Variants in GPR135 observed in about 807,000 individuals in gnomAD.
GPR135 encodes the protein G protein-coupled receptor 135, also known as G-protein coupled receptor 135.
In GPR135, 17 loss-of-function variants were observed where a neutral mutation model predicts 15.0. The observed-to-expected ratio is 1.13, with a 90% CI of 0.78 to 1.70. GPR135 has a LOEUF of 1.70. GPR135 is among the 40% of genes most tolerant of loss of function. The pLI is 0.00. For missense variants in GPR135, 776 were observed against 727.0 expected, an observed-to-expected ratio of 1.07 and a Z score of -0.78; for synonymous variants, 368 against 349.4, an observed-to-expected ratio of 1.05 and a Z score of -0.59.
Position 59,464,752 on chromosome 14 carries a change from C to A in GPR135, c.475G>T (p.Ala159Ser), listed in dbSNP as rs775348277. Reference sequence around the variant, plus strand: ...GGAGTGAAGAGGTCCAGGAAGGCGGCGGGCAGGCAGAGCAGCGCCGTGAGC... The same window carrying A: ...GGAGTGAAGAGGTCCAGGAAGGCGGAGGGCAGGCAGAGCAGCGCCGTGAGC... ...DLLTALLCLP[A>S]AFLDLFTPPG... The change falls in exon 1 of 1, where the codon GCC becomes TCC. Residue 159 changes from alanine to serine, a missense_variant. By Grantham distance (99) the Ala-to-Ser change is moderately conservative. Transcript: ENST00000395116. The A allele has an allele frequency of 8.3e-6, 13 of 1,567,208 alleles. No individual in the cohort carries two copies. Among genetic ancestry groups the A allele is most frequent in the African/African-American group, 4.1e-5 (3 of 74,020 alleles).
chr14:59,455,772 G>A (rs1258927117), downstream of GPR135: 1 of 152,344 alleles, frequency 6.6e-6, no homozygotes, highest in South Asian at 2.1e-4. Context: ...TTGAGAAAGA[G>A]CAATGAGAAA....
At chr14:59,459,319 C>T (rs1006096577), downstream of GPR135, among the ~76,000 whole-genome samples, 2 of 152,192 alleles carry the variant, frequency 1.3e-5, no homozygotes, top group East Asian at 3.9e-4. Context: ...TAAAAAGCAG[C>T]CTGTGACCTC....
rs536794899 is a variant in GPR135 at position 59,464,003 on chromosome 14, A to G, written c.1224T>C (p.Thr408=). ...LGRNREEGYR[T]RNVDAFLPSQ... ...TGGGCAGGAAAGCGTCCACATTCCT[A>G]GTCCGGTAGCCCTCCTCGCGGTTGC... The change falls in exon 1 of 1, where the codon ACT becomes ACC. Residue 408 remains threonine, a synonymous_variant. Coordinates refer to ENST00000395116, the MANE Select transcript of GPR135 (RefSeq NM_022571.6). The G allele has an allele frequency of 1.9e-6, 3 of 1,614,012 alleles. No homozygotes were observed. The highest frequency in any genetic ancestry group is 1.3e-5 in the African/African-American group (1 of 75,074).
At chr14:59,456,094 A>G (rs373702675), downstream of GPR135, among the ~76,000 whole-genome samples, 85 of 152,286 alleles carry the variant, frequency 5.6e-4, no homozygotes, top group East Asian at 8.9e-3. Flanking sequence ...AGTGCAAGTC[A>G]TCTTGCAAAC....
In GPR135 at chr14:59,465,253, C is replaced by T. The variant is rs1889121233; in HGVS notation, c.-27G>A. ...GGGCCCAGTGGCGGCCGCGGATCTC[C>T]TCATCCCGCACCGGGGGCGGCGGCC... On this transcript the variant is annotated 5_prime_UTR_variant, in exon 1 of 1. Transcript: ENST00000395116. The T allele has an allele frequency of 1.6e-6, 2 of 1,225,036 alleles. No homozygotes were observed. Among genetic ancestry groups the T allele is most frequent in the African/African-American group, 3.1e-5 (2 of 63,882 alleles). 75.9% of individuals were successfully genotyped at this position (1,225,036 alleles called of 1,614,324 possible).
chr14:59,461,053 T>A lies in GPR135; in HGVS notation c.*2689A>T, dbSNP rs1273522981. 6.6e-6 allele frequency: 1 copy of A among 152,242 alleles called. No individual in the cohort carries two copies. The highest frequency in any genetic ancestry group is 1.5e-5 in the Non-Finnish European group (1 of 68,042). 9.4% of individuals were successfully genotyped at this position (152,242 alleles called of 1,614,324 possible). A position where few individuals can be genotyped will look rare whatever the true frequency, so the allele number is the denominator to read the frequency against. ...TGCTACACCTTTTCTTTTCCACAAG[T>A]AAACTTGTTATGGCTGATTGTTGTT... is the stretch of plus-strand genomic sequence containing the variant. On this transcript the variant is annotated 3_prime_UTR_variant, in exon 1 of 1. Coordinates refer to ENST00000395116, the MANE Select transcript of GPR135 (RefSeq NM_022571.6).
Position 59,463,667 on chromosome 14 carries a change from C to G in GPR135, c.*75G>C. On this transcript the variant is annotated 3_prime_UTR_variant, in exon 1 of 1. Transcript: ENST00000395116. The stretch of plus-strand genomic sequence containing the variant: ...ATGTTTGGCTTTATGAAATCCACAA[C>G]TCTCCCCCAGAATCTTCCATCATTA... 7.2e-6 allele frequency: 10 copies of G among 1,379,526 alleles called. No homozygotes were observed. The highest frequency in any genetic ancestry group is 6.9e-6 in the Non-Finnish European group (7 of 1,020,562). The allele number at this position is 1,379,526 out of a possible 1,614,324, so 85.5% of individuals were successfully genotyped here. A position where few individuals can be genotyped will look rare whatever the true frequency, so the allele number is the denominator to read the frequency against.
At chr14:59,454,181 G>T (rs1888577526) in intron 6 of GPR135, among the ~76,000 whole-genome samples, 1 of 152,218 alleles carries the variant, frequency 6.6e-6, no homozygotes, top group African/African-American at 2.4e-5. Context: ...TGCCAGCACT[G>T]CTAGAATCTA....
At chr14:59,455,581 G>A (rs2139759908) in intron 6 of GPR135, 1 of 152,326 alleles carries the variant, frequency 6.6e-6, no homozygotes, top group Non-Finnish European at 1.5e-5. Context: ...GATTAGCTGG[G>A]TAGTTCTGAT....
chr14:59,465,356 T>C lies in GPR135; in HGVS notation c.-130A>G. ...CTGGGCTCGGCCGGAGGGGTGGCGG[T>C]CGCTGGGGACCTGGCGGAGCCTTTG... On this transcript the variant is annotated 5_prime_UTR_variant, in exon 1 of 1. Coordinates refer to ENST00000395116, the MANE Select transcript of GPR135 (RefSeq NM_022571.6). The C allele has an allele frequency of 1.6e-6, 1 of 624,118 alleles. No homozygotes were observed. The highest frequency in any genetic ancestry group is 2.3e-6 in the Non-Finnish European group (1 of 439,410). The allele number at this position is 624,118 out of a possible 1,614,324, so 38.7% of individuals were successfully genotyped here.
In GPR135 at chr14:59,464,993, CG is replaced by C. The variant is rs1335452105; in HGVS notation, c.233del (p.Ala78GlyfsTer8). On this transcript the variant is annotated frameshift_variant, in exon 1 of 1. Coordinates refer to ENST00000395116, the MANE Select transcript of GPR135 (RefSeq NM_022571.6). LOFTEE classifies it high-confidence loss of function. ...GGGGLGGSGA[A>X]REAGAAVRRP... is the part of the protein sequence containing the mutation. ...GCCTCACCGCCGCCCCCGCCTCCCG[CG>C]CTGCCCCGGACCCGCCAAGGCCGCC... The C allele has an allele frequency of 7.0e-7, 1 of 1,434,002 alleles. No individual in the cohort carries two copies. The highest frequency in any genetic ancestry group is 3.0e-5 in the Admixed American group (1 of 33,516). 88.8% of individuals were successfully genotyped at this position (1,434,002 alleles called of 1,614,324 possible).
At chr14:59,453,995 T>C (rs1197077539) in intron 6 of GPR135, among the ~76,000 whole-genome samples, 1 of 152,064 alleles carries the variant, frequency 6.6e-6, no homozygotes, top group African/African-American at 2.4e-5. Flanking sequence ...AAAAGGGAAG[T>C]GGGGCCAACT....
At chr14:59,454,994 G>T (rs1194197494) in intron 6 of GPR135, among the ~76,000 whole-genome samples, 3 of 152,038 alleles carry the variant, frequency 2.0e-5, no homozygotes, top group Non-Finnish European at 2.9e-5. Context: ...CAGCTACTTG[G>T]GAGGCTGAGG....
downstream of GPR135, among the ~76,000 whole-genome samples, chr14:59,458,496 C>T (rs1184170337): frequency 1.3e-5 from 2 of 152,188 alleles, no homozygotes; most frequent in African/African-American, 4.8e-5. Flanking sequence ...ACTTGAACTT[C>T]TCCACACTTT....
chr14:59,457,785 G>C (rs781378285), downstream of GPR135, among the ~76,000 whole-genome samples: 23 of 152,222 alleles, frequency 1.5e-4, no homozygotes, highest in Non-Finnish European at 2.8e-4. Context: ...CTACTTTAAA[G>C]AGTTTGTTAA....
chr14:59,464,718 C>A lies in GPR135; in HGVS notation c.509G>T (p.Gly170Val), dbSNP rs368832674. 1 of 1,565,654 alleles carries A rather than the reference C, an allele frequency of 6.4e-7. No homozygotes were observed. The highest frequency in any genetic ancestry group is 8.6e-7 in the Non-Finnish European group (1 of 1,157,702). Residue 170 changes from glycine to valine, a missense_variant, in exon 1 of 1, where the codon GGT becomes GTT. By Grantham distance (109) the Gly-to-Val change is moderately radical. Transcript: ENST00000395116. The stretch of plus-strand genomic sequence containing the variant: ...CCCCGCGGCGGCGGCAGGCGCCGAA[C>A]CCCCGGGCGGAGTGAAGAGGTCCAG... ...AFLDLFTPPG[G>V]SAPAAAAGPW...
At chr14:59,456,479 T>C (rs1888659522), downstream of GPR135, 1 of 152,212 alleles carries the variant, frequency 6.6e-6, no homozygotes, top group South Asian at 2.1e-4. Context: ...AAAATCACTC[T>C]ATTGGCAAAA....
In GPR135 at chr14:59,463,471, T is replaced by C; in HGVS notation, c.*271A>G. 1 of 478,808 alleles carries C rather than the reference T, an allele frequency of 2.1e-6. No individual in the cohort carries two copies. Among genetic ancestry groups the C allele is most frequent in the Non-Finnish European group, 3.7e-6 (1 of 271,486 alleles). 29.7% of individuals were successfully genotyped at this position (478,808 alleles called of 1,614,324 possible). On this transcript the variant is annotated 3_prime_UTR_variant, in exon 1 of 1. Transcript: ENST00000395116. ...TATAATATGAGCTTTTCAGTTATAG[T>C]GAATGTTATTTTTGTCATTTTTGGC...
Position 59,464,618 on chromosome 14 carries a change from C to A in GPR135, c.609G>T (p.Ala203=). Residue 203 remains alanine (A), a synonymous_variant, in exon 1 of 1, where the codon GCG becomes GCT. Transcript: ENST00000395116. ...CFGIVSTLSV[A]LISLDRYCAI... ...CGCAGTAACGGTCCAACGAGATGAG[C>A]GCCACGCTGAGCGTGGACACGATGC... is the stretch of plus-strand genomic sequence containing the variant. 4.4e-6 allele frequency: 7 copies of A among 1,597,208 alleles called. No individual in the cohort carries two copies. Among genetic ancestry groups the A allele is most frequent in the Non-Finnish European group, 5.9e-6 (7 of 1,178,258 alleles).
Sources: gnomAD v4.1 joint callset for allele counts (sites outside exome capture counted in the v4.1 genomes callset) on GRCh38, gnomAD v4.1.1 for gene constraint, MANE v1.5 for transcripts, NCBI Gene and HGNC (gene_info 2026-07-23, HGNC 2026-07-21) for gene names.